The following PARD6B variants were observed in gnomAD, a reference collection of about 807,000 sequenced individuals.
The protein encoded by PARD6B is par-6 family cell polarity regulator beta, also known as partitioning defective 6 homolog beta.
In PARD6B, 4 loss-of-function variants were observed where a neutral mutation model predicts 10.5. The ratio of observed to expected loss-of-function variants is 0.38; its 90% CI spans 0.19 to 0.87. The LOEUF (loss-of-function observed/expected upper bound fraction) is 0.87. PARD6B is among the 40% of genes least tolerant of loss of function. The pLI, the probability that PARD6B is intolerant of heterozygous loss-of-function variation, is 0.41. For synonymous variants in PARD6B, 169 were observed against 170.4 expected, an observed-to-expected ratio of 0.99 and a Z score of 0.07; for missense variants, 396 against 470.6, an observed-to-expected ratio of 0.84 and a Z score of 1.47.
At chr20:50,734,336 C>T (rs890497201) in intron 1 of PARD6B, among the ~76,000 whole-genome samples, 7 of 151,594 alleles carry the variant, frequency 4.6e-5, no homozygotes, top group Non-Finnish European at 8.8e-5. Context: ...ATAACCAAAA[C>T]TAGGTAGTGT....
Position 50,743,806 on chromosome 20 carries a change from A to G in PARD6B, c.289+5727A>G, listed in dbSNP as rs544411411. The stretch of plus-strand genomic sequence containing the variant: ...CGGAAGGCTGAGGCAGGAGAATGGC[A>G]TGAACCCAGGAGGCGGAGCTTGCAG... On this transcript the variant is annotated intron_variant, in intron 2 of 2. Coordinates refer to ENST00000371610, the MANE Select transcript of PARD6B (RefSeq NM_032521.3). 5.9e-4 allele frequency among the ~76,000 whole-genome samples: 90 copies of G among 151,270 alleles called. 1 individual carries two copies. The highest frequency in any genetic ancestry group is 3.4e-3 in the Middle Eastern group (1 of 292).
chr20:50,747,489 C>CTTTTTTTTTTTTTTTTTTTTTTT (rs58629233), intron 2 of PARD6B, among the ~76,000 whole-genome samples: 17 of 33,352 alleles, frequency 5.1e-4, no homozygotes, highest in South Asian at 3.5e-3. Flanking sequence ...TTCTTTCTTT[C>CTTTTTTTTTTTTTTTTTTTTTTT]TTTTTTTTTT....
intron 2 of PARD6B, among the ~76,000 whole-genome samples, chr20:50,745,244 A>G (rs2087560206): frequency 6.6e-6 from 1 of 152,146 alleles, no homozygotes; most frequent in Non-Finnish European, 1.5e-5. Context: ...AGCCTGACCA[A>G]CATGGTGAAA....
intron 2 of PARD6B, among the ~76,000 whole-genome samples, chr20:50,748,462 T>C (rs746776880): frequency 2.6e-5 from 4 of 152,268 alleles, no homozygotes; most frequent in Admixed American, 6.5e-5. Flanking sequence ...GCCTCTGATA[T>C]TGGTATATGA....
chr20:50,736,791 C>G (rs1048903515), intron 1 of PARD6B, among the ~76,000 whole-genome samples: 1 of 151,696 alleles, frequency 6.6e-6, no homozygotes, highest in Non-Finnish European at 1.5e-5. Flanking sequence ...ACCTCTGCCT[C>G]CCAGATTCAA....
Position 50,749,687 on chromosome 20 carries a change from A to G in PARD6B, c.318A>G (p.Thr106=). The G allele has an allele frequency of 6.2e-7, 1 of 1,607,828 alleles. No homozygotes were observed. Among genetic ancestry groups the G allele is most frequent in the African/African-American group, 1.3e-5 (1 of 74,552 alleles). ...AAGCAGACTACAGTGCCTTTGGTAC[A>G]GACACGCTAATAAAGAAGAAGAATG... ...KEEADYSAFG[T]DTLIKKKNVL... Residue 106 remains threonine (T), a synonymous_variant, in exon 3 of 3, where the codon ACA becomes ACG. Transcript: ENST00000371610.
rs1360523715 is a variant in PARD6B, at chr20:50,750,425, AT to A, written c.1059del (p.Phe353LeufsTer11). On this transcript the variant is annotated frameshift_variant, in exon 3 of 3. Coordinates refer to ENST00000371610, the MANE Select transcript of PARD6B (RefSeq NM_032521.3). LOFTEE classifies it high-confidence loss of function. The part of the protein sequence containing the change: ...AAIASSSNTE[F>X]ETHAPDQKLL... ...CCATAGCAAGCAGCTCAAACACGGA[AT>A]TTGAAACACATGCTCCAGATCAAAA... The A allele has an allele frequency of 6.2e-7, 1 of 1,614,086 alleles. No homozygotes were observed. The highest frequency in any genetic ancestry group is 2.2e-5 in the East Asian group (1 of 44,904).
At position 50,750,173 on chromosome 20, in the gene PARD6B, T is replaced by C. The variant is rs2087592872; in HGVS notation, c.804T>C (p.Ser268=). The C allele has an allele frequency of 1.9e-6, 3 of 1,614,138 alleles. No homozygotes were observed. Among genetic ancestry groups the C allele is most frequent in the Non-Finnish European group, 2.5e-6 (3 of 1,180,060 alleles). The part of the protein sequence containing the change: ...NSRTSGSSGQ[S]TDNSLLGYPQ... ...GGACTTCTGGCAGTTCCGGTCAGTC[T>C]ACTGATAACAGCCTTCTTGGCTACC... The change falls in exon 3 of 3, where the codon TCT becomes TCC. Residue 268 remains serine (S), a synonymous_variant. Transcript: ENST00000371610.
intron 1 of PARD6B, among the ~76,000 whole-genome samples, chr20:50,736,572 CTT>C (rs925310833): frequency 1.3e-5 from 2 of 152,132 alleles, no homozygotes; most frequent in Non-Finnish European, 2.9e-5. Flanking sequence ...GACTGGGACA[CTT>C]TTTGAGGAAG....
In PARD6B at chr20:50,747,787, C is replaced by T. The variant is rs571339484; in HGVS notation, c.290-1872C>T. On this transcript the variant is annotated intron_variant, in intron 2 of 2. Transcript: ENST00000371610. ...CCTTTTAGTTTATTATTTAATTAGG[C>T]GGCAGTATTTAAAGATCGCAAGATT... 1.0e-3 allele frequency among the ~76,000 whole-genome samples: 159 copies of T among 151,912 alleles called. 1 individual carries two copies. Among genetic ancestry groups the T allele is most frequent in the African/African-American group, 3.8e-3 (156 of 41,424 alleles).
In PARD6B at chr20:50,753,071, CTCTCTT is replaced by C. The variant is rs1010287860; in HGVS notation, c.*2585_*2590del. 163 of 908,522 alleles carry C rather than the reference CTCTCTT, an allele frequency of 1.8e-4. 1 individual carries two copies. In the African/African-American group the frequency reaches 4.5e-3, roughly 25 times the overall value. 56.3% of individuals were successfully genotyped at this position (908,522 alleles called of 1,614,324 possible). A position where few individuals can be genotyped will look rare whatever the true frequency, so the allele number is the denominator to read the frequency against. Reference sequence around the variant, plus strand: ...GTAAAAATATTTTTACACACTACCTCTCTCTTTTTTTTTTTAAAGTTTTAACATCAG... The same window carrying C: ...GTAAAAATATTTTTACACACTACCTCTTTTTTTTTAAAGTTTTAACATCAG... On this transcript the variant is annotated 3_prime_UTR_variant, in exon 3 of 3. Coordinates refer to ENST00000371610, the MANE Select transcript of PARD6B (RefSeq NM_032521.3).
chr20:50,732,866 C>G (rs574390004), intron 1 of PARD6B, among the ~76,000 whole-genome samples: 1 of 144,870 alleles, frequency 6.9e-6, no homozygotes, highest in East Asian at 2.0e-4. Flanking sequence ...TTGAGAAGGC[C>G]AAAACACAGA....
rs935091235 is a variant in PARD6B at position 50,753,148 on chromosome 20, A to T, written c.*2660A>T. On this transcript the variant is annotated 3_prime_UTR_variant, in exon 3 of 3. Transcript: ENST00000371610. Reference sequence around the variant, plus strand: ...CTTCAGGGCTTGACTTTTTGTACAAATTTTAACTGTAAAATACAGATTTAT... The same window carrying T: ...CTTCAGGGCTTGACTTTTTGTACAATTTTTAACTGTAAAATACAGATTTAT... The T allele has an allele frequency of 4.1e-6, 4 of 985,074 alleles. No individual in the cohort carries two copies. In the African/African-American group the frequency reaches 7.0e-5, roughly 17 times the overall value. 61.0% of individuals were successfully genotyped at this position (985,074 alleles called of 1,614,324 possible).
At position 50,751,816 on chromosome 20, in the gene PARD6B, C is replaced by T. The variant is rs2087612668; in HGVS notation, c.*1328C>T. Reference sequence around the variant, plus strand: ...TCCCGGGTTCAAGCAATTCTCCTGCCTCAGCCTTCTGAGTAGCTAAGATTA... The same window carrying T: ...TCCCGGGTTCAAGCAATTCTCCTGCTTCAGCCTTCTGAGTAGCTAAGATTA... On this transcript the variant is annotated 3_prime_UTR_variant, in exon 3 of 3. Transcript: ENST00000371610. 1.1e-6 allele frequency: 1 copy of T among 927,092 alleles called. No homozygotes were observed. Among genetic ancestry groups the T allele is most frequent in the Non-Finnish European group, 1.3e-6 (1 of 777,694 alleles). 57.4% of individuals were successfully genotyped at this position (927,092 alleles called of 1,614,324 possible).
intron 1 of PARD6B, 35 bp downstream of exon 1, chr20:50,731,887 C>A: frequency 7.2e-7 from 1 of 1,390,070 alleles, no homozygotes; most frequent in Non-Finnish European, 9.3e-7. Flanking sequence ...AGCGGCGGGC[C>A]TGGGGGGCCG....
In PARD6B at chr20:50,752,745, T is replaced by C; in HGVS notation, c.*2257T>C. The C allele has an allele frequency of 3.1e-6, 3 of 982,232 alleles. No homozygotes were observed. Among genetic ancestry groups the C allele is most frequent in the South Asian group, 4.7e-5 (1 of 21,210 alleles). The allele number at this position is 982,232 out of a possible 1,614,324, so 60.8% of individuals were successfully genotyped here. On this transcript the variant is annotated 3_prime_UTR_variant, in exon 3 of 3. Coordinates refer to ENST00000371610, the MANE Select transcript of PARD6B (RefSeq NM_032521.3). ...GATGTTTTCTCTATATGGTAAAATA[T>C]ATATGAAGAAGTCTTGATTACGTGA...
intron 2 of PARD6B, among the ~76,000 whole-genome samples, chr20:50,740,641 G>A (rs530644127): frequency 3.2e-4 from 48 of 152,108 alleles, no homozygotes; most frequent in African/African-American, 1.1e-3. Flanking sequence ...GTTTCTATGT[G>A]CAAATGTTTT....
Position 50,753,403 on chromosome 20 carries a change from A to G in PARD6B, c.*2915A>G. The G allele has an allele frequency of 1.0e-6, 1 of 984,258 alleles. No homozygotes were observed. Among genetic ancestry groups the G allele is most frequent in the South Asian group, 4.7e-5 (1 of 21,248 alleles). 61.0% of individuals were successfully genotyped at this position (984,258 alleles called of 1,614,324 possible). On this transcript the variant is annotated 3_prime_UTR_variant, in exon 3 of 3. Transcript: ENST00000371610. ...TTATTTCAAGTGCACCTTATTAACAAAAGTATCAGTGGATCCAACATAAAA... is the reference window on the plus strand; with the variant it reads ...TTATTTCAAGTGCACCTTATTAACAGAAGTATCAGTGGATCCAACATAAAA...
intron 1 of PARD6B, among the ~76,000 whole-genome samples, chr20:50,732,873 C>T (rs984876209): frequency 6.9e-6 from 1 of 145,214 alleles, no homozygotes; most frequent in Non-Finnish European, 1.5e-5. Context: ...GGCCAAAACA[C>T]AGAAAAGGAG....
Sources: gnomAD v4.1 joint callset for allele counts (sites outside exome capture counted in the v4.1 genomes callset) on GRCh38, gnomAD v4.1.1 for gene constraint, MANE v1.5 for transcripts, NCBI Gene and HGNC (gene_info 2026-07-23, HGNC 2026-07-21) for gene names.